Variants in DIAPH2 observed in about 807,000 individuals in gnomAD.
DIAPH2 encodes the protein protein diaphanous homolog 2.
Under a neutral mutation model 92.7 loss-of-function variants are expected in DIAPH2, and 35 were observed. That is an observed-to-expected ratio of 0.38 (90% CI 0.29 to 0.50). The LOEUF (loss-of-function observed/expected upper bound fraction) is 0.50, where lower values mean the gene tolerates loss of function less well. Among genes scored for constraint, DIAPH2 ranks in the 20% least tolerant of loss-of-function variants. The pLI, the probability that DIAPH2 is intolerant of heterozygous loss-of-function variation, is 0.94. For missense variants in DIAPH2, 701 were observed against 819.5 expected (o/e 0.86, Z 1.77); for synonymous variants, 301 against 280.4 (o/e 1.07, Z -0.73).
At chrX:97,384,514 G>A (rs1398452170) in intron 25 of DIAPH2, among the ~76,000 whole-genome samples, 4 of 111,649 alleles carry the variant, frequency 3.6e-5, no homozygotes, top group Non-Finnish European at 7.5e-5. Flanking sequence ...ATAGGGAAAG[G>A]CATCTTGCAC....
At chrX:96,751,760 TCTC>T (rs1275659874) in intron 3 of DIAPH2, among the ~76,000 whole-genome samples, 2 of 78,896 alleles carry the variant, frequency 2.5e-5, no homozygotes, top group African/African-American at 4.6e-5. Flanking sequence ...TTCACGCCAT[TCTC>T]CTGCCTCAGC....
intron 26 of DIAPH2, among the ~76,000 whole-genome samples, chrX:97,500,577 A>G (rs908919748): frequency 3.7e-5 from 4 of 109,431 alleles, no homozygotes; most frequent in Non-Finnish European, 7.6e-5. Context: ...AATTTTACAT[A>G]GCCTAAGAAT....
chrX:96,831,510 G>A lies in DIAPH2; in HGVS notation c.448-50069G>A, dbSNP rs1405221766. Among the ~76,000 whole-genome samples, 11 of 112,070 alleles carry A rather than the reference G, an allele frequency of 9.8e-5. No homozygotes were observed. In the Admixed American group the frequency reaches 1.0e-3, roughly 11 times the overall value. On this transcript the variant is annotated intron_variant, in intron 4 of 26. Transcript: ENST00000324765. Reference sequence around the variant, plus strand: ...CTTTTTAAAAAAAATCTGTGCAACTGTGATTAAGAATAGAACCTACCTCAC... The same window carrying A: ...CTTTTTAAAAAAAATCTGTGCAACTATGATTAAGAATAGAACCTACCTCAC...
chrX:96,702,103 G>C (rs1024102983), intron 1 of DIAPH2, among the ~76,000 whole-genome samples: 3 of 111,168 alleles, frequency 2.7e-5, no homozygotes, highest in Non-Finnish European at 5.7e-5. Flanking sequence ...TTCTCCTATC[G>C]CAGATCCTAT....
chrX:97,448,072 G>C (rs1322552115), intron 26 of DIAPH2, among the ~76,000 whole-genome samples: 1 of 111,965 alleles, frequency 8.9e-6, no homozygotes, highest in Non-Finnish European at 1.9e-5. Context: ...ATAAAAGAAG[G>C]CAGATTTAAC....
intron 23 of DIAPH2, among the ~76,000 whole-genome samples, chrX:97,299,395 G>A (rs5966749): frequency 0.37 from 41,336 of 110,516 alleles, 5,619 homozygotes; most frequent in East Asian, 0.65. Context: ...GGTAGAAAAT[G>A]CTAGATGGAA....
At chrX:97,141,938 C>A in intron 22 of DIAPH2, 144 bp downstream of exon 22, 1 of 659,878 alleles carries the variant, frequency 1.5e-6, no homozygotes, top group Non-Finnish European at 2.2e-6. Context: ...TTTCCATTAG[C>A]TTATATTTGA....
At chrX:97,225,538 G>A (rs772158639) in intron 22 of DIAPH2, among the ~76,000 whole-genome samples, 153 of 111,558 alleles carry the variant, frequency 1.4e-3, no homozygotes, top group Non-Finnish European at 1.8e-3. Context: ...TTGACCTTGC[G>A]TGATTTTCTA....
intron 24 of DIAPH2, among the ~76,000 whole-genome samples, chrX:97,367,006 T>C (rs771212786): frequency 8.9e-6 from 1 of 111,887 alleles, no homozygotes; most frequent in East Asian, 2.8e-4. Flanking sequence ...ACACATGACA[T>C]TTATTATTGC....
chrX:96,965,974 G>T (rs781002425), intron 17 of DIAPH2, among the ~76,000 whole-genome samples: 1 of 111,696 alleles, frequency 9.0e-6, no homozygotes, highest in East Asian at 2.8e-4. Context: ...TTGAAAAATG[G>T]AAATAATCCA....
At chrX:96,992,236 A>G (rs1415212229) in intron 17 of DIAPH2, among the ~76,000 whole-genome samples, 1 of 111,527 alleles carries the variant, frequency 9.0e-6, no homozygotes, top group Non-Finnish European at 1.9e-5. Flanking sequence ...TCCATTTAGA[A>G]CTATTAGGAA....
intron 4 of DIAPH2, among the ~76,000 whole-genome samples, chrX:96,807,817 A>C (rs2064639270): frequency 9.3e-6 from 1 of 107,458 alleles, no homozygotes; most frequent in Non-Finnish European, 1.9e-5. Context: ...CTTTACAATT[A>C]TGGGCTTTCC....
chrX:96,859,610 CTTATTTA>C (rs2065060417), intron 4 of DIAPH2, among the ~76,000 whole-genome samples: 2 of 94,434 alleles, frequency 2.1e-5, no homozygotes, highest in African/African-American at 7.5e-5. Context: ...ATAATAGATT[CTTATTTA>C]TTTATTTATT....
chrX:96,733,121 G>A (rs757066010), intron 1 of DIAPH2, among the ~76,000 whole-genome samples: 2 of 111,621 alleles, frequency 1.8e-5, no homozygotes, highest in Admixed American at 1.9e-4. Flanking sequence ...TAGGCGTTAG[G>A]GTTACATCCC....
chrX:96,885,870 T>C (rs1299983953), intron 5 of DIAPH2, among the ~76,000 whole-genome samples: 1 of 111,836 alleles, frequency 8.9e-6, no homozygotes, highest in Non-Finnish European at 1.9e-5. Context: ...TTTATTTTAC[T>C]AAATGCTCTG....
intron 21 of DIAPH2, among the ~76,000 whole-genome samples, chrX:97,115,698 T>C (rs181009539): frequency 8.9e-6 from 1 of 112,264 alleles, no homozygotes; most frequent in African/African-American, 3.2e-5. Context: ...ATAATAATAC[T>C]CTTCAATGTC....
chrX:97,044,706 C>G (rs1338316827), intron 17 of DIAPH2, among the ~76,000 whole-genome samples: 1 of 111,015 alleles, frequency 9.0e-6, no homozygotes, highest in Non-Finnish European at 1.9e-5. Context: ...CTAACATGCT[C>G]TAGTGTCTCT....
In DIAPH2 at chrX:97,312,345, C is replaced by CATTT. The variant is rs202046146; in HGVS notation, c.2845-35771_2845-35770insATTT. On this transcript the variant is annotated intron_variant, in intron 23 of 26. Coordinates refer to ENST00000324765, the MANE Select transcript of DIAPH2 (RefSeq NM_006729.5). ...TTGATCACTTTTGATCAATAGAATC[C>CATTT]TTTTTTTTTTTTTTTTTTTTTTTTT... is the stretch of plus-strand genomic sequence containing the variant. Among the ~76,000 whole-genome samples the CATTT allele has an allele frequency of 1.8e-4, 10 of 54,955 alleles. 1 individual carries two copies. Among genetic ancestry groups the CATTT allele is most frequent in the East Asian group, 1.5e-3 (2 of 1,328 alleles). 47.7% of individuals were successfully genotyped at this position (54,955 alleles called of 115,157 possible). A position where few individuals can be genotyped will look rare whatever the true frequency, so the allele number is the denominator to read the frequency against.
chrX:97,171,309 T>G (rs1464221711), intron 22 of DIAPH2, among the ~76,000 whole-genome samples: 1 of 112,712 alleles, frequency 8.9e-6, no homozygotes, highest in East Asian at 2.8e-4. Context: ...TTTCAACATT[T>G]TCTTTTAGAA....
Sources: gnomAD v4.1 joint callset for allele counts (sites outside exome capture counted in the v4.1 genomes callset) on GRCh38, gnomAD v4.1.1 for gene constraint, MANE v1.5 for transcripts, NCBI Gene and HGNC (gene_info 2026-07-23, HGNC 2026-07-21) for gene names.